The following FGGY variants were observed in gnomAD, a reference collection of about 807,000 sequenced individuals.
The protein encoded by FGGY is FGGY carbohydrate kinase domain containing.
A neutral mutation model predicts 71.3 loss-of-function variants in FGGY; 72 were observed. That is an observed-to-expected ratio of 1.01 (90% confidence interval 0.84 to 1.23). The LOEUF (loss-of-function observed/expected upper bound fraction) is 1.23. FGGY is among the 50% of genes most tolerant of loss of function. FGGY has a pLI of 0.00. For synonymous variants in FGGY, 251 were observed against 250.3 expected, an observed-to-expected ratio of 1.00 and a Z score of -0.02; for missense variants, 668 against 682.3, an observed-to-expected ratio of 0.98 and a Z score of 0.23.
At chr1:59,397,392 T>C (rs1414842199) in intron 5 of FGGY, among the ~76,000 whole-genome samples, 1 of 152,198 alleles carries the variant, frequency 6.6e-6, no homozygotes, top group Admixed American at 6.5e-5. Flanking sequence ...ACAAACAACA[T>C]AGTGAAACTT....
At chr1:59,667,466 G>T (rs1022153233) in intron 13 of FGGY, 63 bp downstream of exon 13, 7 of 1,588,778 alleles carry the variant, frequency 4.4e-6, no homozygotes, top group African/African-American at 1.3e-5. Flanking sequence ...GCATGGCCAA[G>T]TTCTGGGTGA....
At chr1:59,521,100 G>T (rs2094818868) in intron 7 of FGGY, among the ~76,000 whole-genome samples, 1 of 152,154 alleles carries the variant, frequency 6.6e-6, no homozygotes, top group Non-Finnish European at 1.5e-5. Flanking sequence ...AACCGTGCCA[G>T]TCCCTGAGCA....
rs537740651 is a variant in FGGY at position 59,299,849 on chromosome 1, T to C, written c.-15+2699T>C. On this transcript the variant is annotated intron_variant, in intron 1 of 15. Transcript: ENST00000303721. ...AGTGGTTTGGCGGGAAAAATGGTTA[T>C]GGCAGAGCAGGAAATCGGAATGAGT... 2.0e-5 allele frequency among the ~76,000 whole-genome samples: 3 copies of C among 152,156 alleles called. No homozygotes were observed. The East Asian group carries it at 5.8e-4, about 29-fold the overall frequency.
intron 14 of FGGY, among the ~76,000 whole-genome samples, chr1:59,731,332 G>T (rs566464054): frequency 6.6e-6 from 1 of 152,086 alleles, no homozygotes; most frequent in South Asian, 2.1e-4. Context: ...AGACTTTCCC[G>T]GAATACTTCA....
intron 7 of FGGY, among the ~76,000 whole-genome samples, chr1:59,540,186 G>A (rs766993055): frequency 6.6e-6 from 1 of 152,160 alleles, no homozygotes; most frequent in African/African-American, 2.4e-5. Context: ...CCACACTTTG[G>A]GAAAGAGTTT....
chr1:59,632,703 T>C (rs149596783), intron 10 of FGGY, among the ~76,000 whole-genome samples: 42 of 152,362 alleles, frequency 2.8e-4, no homozygotes, highest in African/African-American at 9.6e-4. Context: ...ATGAGGATTA[T>C]TGGGAGCTCT....
intron 4 of FGGY, among the ~76,000 whole-genome samples, chr1:59,360,292 G>A (rs188955554): frequency 7.2e-5 from 11 of 152,228 alleles, no homozygotes; most frequent in African/African-American, 2.6e-4. Flanking sequence ...GAGATGAGAA[G>A]AGAACCAGGG....
intron 11 of FGGY, among the ~76,000 whole-genome samples, chr1:59,657,016 A>G (rs985141195): frequency 1.3e-5 from 2 of 152,212 alleles, no homozygotes; most frequent in Non-Finnish European, 2.9e-5. Flanking sequence ...ATCTTTTTGC[A>G]TGAATACCAA....
chr1:59,542,134 T>G (rs1391451950), intron 7 of FGGY, among the ~76,000 whole-genome samples: 1 of 152,180 alleles, frequency 6.6e-6, no homozygotes, highest in Non-Finnish European at 1.5e-5. Flanking sequence ...AAAGAAGGCT[T>G]CTTAGGCCCA....
intron 8 of FGGY, among the ~76,000 whole-genome samples, chr1:59,591,244 A>G (rs1439383382): frequency 6.6e-6 from 1 of 152,214 alleles, no homozygotes; most frequent in Admixed American, 6.5e-5. Flanking sequence ...GATGTGAAGG[A>G]CCTCATCAAG....
chr1:59,453,175 A>C (rs565903874), intron 5 of FGGY, among the ~76,000 whole-genome samples: 1 of 152,302 alleles, frequency 6.6e-6, no homozygotes, highest in South Asian at 2.1e-4. Flanking sequence ...ATTACCCATC[A>C]GTTTGATTTA....
intron 8 of FGGY, among the ~76,000 whole-genome samples, chr1:59,584,866 T>C (rs547049017): frequency 1.3e-5 from 2 of 150,044 alleles, no homozygotes; most frequent in East Asian, 1.9e-4. Context: ...AGCATTCTTA[T>C]ACACCAGTAC....
chr1:59,373,752 G>A (rs1302557224), intron 4 of FGGY, among the ~76,000 whole-genome samples: 7 of 151,626 alleles, frequency 4.6e-5, no homozygotes, highest in Non-Finnish European at 7.4e-5. Flanking sequence ...AAATAACGCC[G>A]CATATCTACA....
intron 6 of FGGY, among the ~76,000 whole-genome samples, chr1:59,457,723 G>A (rs2091852216): frequency 6.6e-6 from 1 of 152,138 alleles, no homozygotes; most frequent in East Asian, 1.9e-4. Flanking sequence ...TCAGTACTAC[G>A]AAAATAATTT....
At chr1:59,491,343 T>C (rs1319550660) in intron 6 of FGGY, among the ~76,000 whole-genome samples, 1 of 151,782 alleles carries the variant, frequency 6.6e-6, no homozygotes, top group African/African-American at 2.4e-5. Context: ...TTAATTATTC[T>C]GATGCATGAG....
At position 59,365,097 on chromosome 1, in the gene FGGY, G is replaced by A. The variant is rs186817488; in HGVS notation, c.466-13652G>A. 4.6e-5 allele frequency among the ~76,000 whole-genome samples: 7 copies of A among 152,322 alleles called. 1 individual carries two copies. In the East Asian group the frequency reaches 1.4e-3, roughly 29 times the overall value. ...GTACAGTGGGACATCCAGGAGACATGTCTCAGAGGAGAGTTTGAATTGGAG... is the reference window on the plus strand; with the variant it reads ...GTACAGTGGGACATCCAGGAGACATATCTCAGAGGAGAGTTTGAATTGGAG... On this transcript the variant is annotated intron_variant, in intron 4 of 15. Transcript: ENST00000303721.
intron 6 of FGGY, among the ~76,000 whole-genome samples, chr1:59,496,597 A>C (rs1374150790): frequency 6.6e-6 from 1 of 152,198 alleles, no homozygotes; most frequent in East Asian, 1.9e-4. Context: ...CAGCTGGGTG[A>C]TGAAATAATC....
At chr1:59,618,034 AT>A (rs2096773815) in intron 9 of FGGY, among the ~76,000 whole-genome samples, 1 of 152,106 alleles carries the variant, frequency 6.6e-6, no homozygotes, top group Non-Finnish European at 1.5e-5. Context: ...GGAGATAATG[AT>A]TTCATGCCTT....
At position 59,355,862 on chromosome 1, in the gene FGGY, G is replaced by A. The variant is rs142707394; in HGVS notation, c.465+9464G>A. Among the ~76,000 whole-genome samples the A allele has an allele frequency of 3.2e-3, 493 of 152,042 alleles. 4 individuals carry two copies. Among genetic ancestry groups the A allele is most frequent in the African/African-American group, 0.011 (457 of 41,444 alleles). ...TCCCACTTGCCAGGGCTACAGGCTGGCAGACCACTGGCTGAATCTGGTCCC... is the reference window on the plus strand; with the variant it reads ...TCCCACTTGCCAGGGCTACAGGCTGACAGACCACTGGCTGAATCTGGTCCC... On this transcript the variant is annotated intron_variant, in intron 4 of 15. Coordinates refer to ENST00000303721, the MANE Select transcript of FGGY (RefSeq NM_018291.5).
Sources: allele counts gnomAD v4.1 joint callset (sites outside exome capture counted in the v4.1 genomes callset), GRCh38; gene constraint gnomAD v4.1.1; transcripts MANE v1.5; gene names NCBI Gene and HGNC (gene_info 2026-07-23, HGNC 2026-07-21).